ANKRD17: variants seen among roughly 807,000 people sequenced by gnomAD.
ANKRD17 encodes ankyrin repeat domain 17, also known as ankyrin repeat domain-containing protein 17.
A neutral mutation model predicts 229.7 loss-of-function variants in ANKRD17; 19 were observed. The observed-to-expected ratio is 0.08, with a 90% CI of 0.06 to 0.12. ANKRD17 has a LOEUF of 0.12. ANKRD17 is among the 10% of genes least tolerant of loss of function. The pLI is 1.00. For synonymous variants in ANKRD17, 1,112 were observed against 1,146.1 expected, an observed-to-expected ratio of 0.97 and a Z score of 0.60; for missense variants, 2,176 against 3,176.8, an observed-to-expected ratio of 0.68 and a Z score of 7.57.
intron 1 of ANKRD17, among the ~76,000 whole-genome samples, chr4:73,194,783 T>C (rs1737614486): frequency 6.6e-6 from 1 of 152,158 alleles, no homozygotes; most frequent in South Asian, 2.1e-4. Context: ...AAAATTAACC[T>C]GAAATAAATC....
intron 1 of ANKRD17, among the ~76,000 whole-genome samples, chr4:73,212,135 G>T (rs1287445373): frequency 6.6e-6 from 1 of 152,082 alleles, no homozygotes; most frequent in Non-Finnish European, 1.5e-5. Flanking sequence ...TGTGGGTTGG[G>T]CAGAGGGAAA....
intron 21 of ANKRD17, 43 bp downstream of exon 21, chr4:73,120,119 G>C (rs984996027): frequency 6.4e-7 from 1 of 1,567,782 alleles, no homozygotes; most frequent in South Asian, 1.1e-5. Flanking sequence ...ATAACCACTA[G>C]TAACACTTGT....
intron 2 of ANKRD17, among the ~76,000 whole-genome samples, chr4:73,170,857 T>G (rs1326007830): frequency 1.3e-5 from 2 of 152,070 alleles, no homozygotes; most frequent in Admixed American, 1.3e-4. Flanking sequence ...TACAGTACAA[T>G]AGACCCTCAT....
At chr4:73,088,023 A>G (rs1722382056) in intron 29 of ANKRD17, among the ~76,000 whole-genome samples, 1 of 152,084 alleles carries the variant, frequency 6.6e-6, no homozygotes, top group Non-Finnish European at 1.5e-5. Flanking sequence ...AGAGTTTGAA[A>G]AGATGTTAAC....
intron 2 of ANKRD17, among the ~76,000 whole-genome samples, chr4:73,174,953 G>A (rs1166304571): frequency 1.3e-5 from 2 of 152,168 alleles, no homozygotes; most frequent in African/African-American, 4.8e-5. Flanking sequence ...AATATTCCAT[G>A]TTCATGGGTT....
chr4:73,191,341 A>ATGTGTGTGTG (rs71655741), intron 1 of ANKRD17, among the ~76,000 whole-genome samples: 7,603 of 125,192 alleles, frequency 0.061, 304 homozygotes, highest in East Asian at 0.076. Flanking sequence ...AAAAATATAT[A>ATGTGTGTGTG]TGTGTGTGTG....
chr4:73,155,161 T>C (rs1411519195), intron 5 of ANKRD17, among the ~76,000 whole-genome samples: 1 of 151,860 alleles, frequency 6.6e-6, no homozygotes, highest in Non-Finnish European at 1.5e-5. Flanking sequence ...TTGAAAAAAA[T>C]ATATATTTTA....
intron 1 of ANKRD17, among the ~76,000 whole-genome samples, chr4:73,255,720 T>C (rs1745392510): frequency 6.6e-6 from 1 of 152,046 alleles, no homozygotes; most frequent in Non-Finnish European, 1.5e-5. Context: ...ATTTTTTAAA[T>C]GGGTACACTT....
chr4:73,084,261 C>T (rs1721875549), intron 30 of ANKRD17, among the ~76,000 whole-genome samples: 1 of 151,956 alleles, frequency 6.6e-6, no homozygotes, highest in African/African-American at 2.4e-5. Context: ...GCCTGTAGTC[C>T]CATTTATTCA....
chr4:73,108,907 GA>G (rs930191396), intron 24 of ANKRD17, among the ~76,000 whole-genome samples: 2 of 151,912 alleles, frequency 1.3e-5, no homozygotes, highest in African/African-American at 4.8e-5. Context: ...TCAAGAGAGG[GA>G]AAAAAATAGG....
In ANKRD17 at chr4:73,098,125, C is replaced by A. The variant is rs779217752; in HGVS notation, c.4969G>T (p.Val1657Phe). ...TTTCTCTCTTCCTTTGGAAATGTAACAAGAACTGATGGCTGCTTTTTGCTG... is the reference window on the plus strand; with the variant it reads ...TTTCTCTCTTCCTTTGGAAATGTAAAAAGAACTGATGGCTGCTTTTTGCTG... ...VSSKKQPSVLVTFPKEERKSV... is the reference protein window; with the variant it reads ...VSSKKQPSVLFTFPKEERKSV... The change falls in exon 26 of 34, where the codon GTT becomes TTT. Residue 1657 changes from valine (V) to phenylalanine (F), a missense_variant. Val to Phe is a conservative substitution (Grantham distance 50, BLOSUM62 -1). Around this residue, in one of 18 missense-constraint regions of ANKRD17, gnomAD observed 98 missense variants for 101.0 expected, o/e 0.97. Transcript: ENST00000358602. 2 of 1,612,174 alleles carry A rather than the reference C, an allele frequency of 1.2e-6. No individual in the cohort carries two copies. The highest frequency in any genetic ancestry group is 1.7e-6 in the Non-Finnish European group (2 of 1,178,708).
At chr4:73,219,629 G>A (rs906136708) in intron 1 of ANKRD17, among the ~76,000 whole-genome samples, 3 of 151,992 alleles carry the variant, frequency 2.0e-5, no homozygotes, top group Admixed American at 2.0e-4. Flanking sequence ...CAACCTAAAG[G>A]GTTCAGTCAA....
At chr4:73,165,820 G>C (rs2148936821) in intron 2 of ANKRD17, among the ~76,000 whole-genome samples, 1 of 152,284 alleles carries the variant, frequency 6.6e-6, no homozygotes, top group African/African-American at 2.4e-5. Context: ...ACATGTCAAA[G>C]AATGTGGGCA....
intron 1 of ANKRD17, among the ~76,000 whole-genome samples, chr4:73,193,796 T>C (rs1369866525): frequency 1.3e-5 from 2 of 152,186 alleles, no homozygotes; most frequent in East Asian, 3.9e-4. Flanking sequence ...TAGCCAGGCG[T>C]GGTGGTGCAC....
At chr4:73,122,194 T>C (rs1372391473) in intron 18 of ANKRD17, among the ~76,000 whole-genome samples, 1 of 152,186 alleles carries the variant, frequency 6.6e-6, no homozygotes, top group African/African-American at 2.4e-5. Context: ...TTCACAAGAT[T>C]ATGAAAATTT....
chr4:73,211,491 G>A (rs1275977759), intron 1 of ANKRD17, among the ~76,000 whole-genome samples: 1 of 152,104 alleles, frequency 6.6e-6, no homozygotes, highest in African/African-American at 2.4e-5. Flanking sequence ...GACATATATA[G>A]GAGATACACA....
At chr4:73,100,982 A>G in intron 25 of ANKRD17, 1 of 983,950 alleles carries the variant, frequency 1.0e-6, no homozygotes, top group Middle Eastern at 5.2e-4. Context: ...AAAACAAAAA[A>G]CAAATACGAA....
intron 1 of ANKRD17, among the ~76,000 whole-genome samples, chr4:73,207,252 AAAT>A (rs1401098141): frequency 6.6e-6 from 1 of 152,202 alleles, no homozygotes; most frequent in Non-Finnish European, 1.5e-5. Flanking sequence ...TGTACACCAA[AAAT>A]ATATATAATA....
chr4:73,215,356 T>C (rs1238962655), intron 1 of ANKRD17, among the ~76,000 whole-genome samples: 1 of 151,546 alleles, frequency 6.6e-6, no homozygotes. Context: ...GCCTCGCGGG[T>C]TCAAGTGATT....
Sources: gnomAD v4.1 joint callset for allele counts (sites outside exome capture counted in the v4.1 genomes callset) on GRCh38, gnomAD v4.1.1 for gene constraint, gnomAD v4.1.1 regional missense constraint, MANE v1.5 for transcripts, NCBI Gene and HGNC (gene_info 2026-07-23, HGNC 2026-07-21) for gene names.